DMD: variants seen among roughly 807,000 people sequenced by gnomAD.
The protein encoded by DMD is dystrophin.
Under a neutral mutation model 330.1 loss-of-function variants are expected in DMD, and 63 were observed. The ratio of observed to expected loss-of-function variants is 0.19; its 90% CI spans 0.16 to 0.24. DMD has a LOEUF of 0.24. Ranked by LOEUF, DMD falls within the 10% of genes least tolerant of loss-of-function variation. The pLI is 1.00. For missense variants in DMD, 3,344 were observed against 2,684.1 expected, an observed-to-expected ratio of 1.25 and a Z score of -5.43; for synonymous variants, 1,223 against 959.8, an observed-to-expected ratio of 1.27 and a Z score of -5.07.
At chrX:32,524,226 G>A (rs1005535585) in intron 17 of DMD, among the ~76,000 whole-genome samples, 3 of 111,738 alleles carry the variant, frequency 2.7e-5, no homozygotes, top group Non-Finnish European at 5.6e-5. Context: ...GAGCCACCGC[G>A]CCCGGCCCCA....
At chrX:32,732,902 AC>A (rs2067903839) in intron 7 of DMD, among the ~76,000 whole-genome samples, 1 of 111,088 alleles carries the variant, frequency 9.0e-6, no homozygotes, top group Non-Finnish European at 1.9e-5. Flanking sequence ...GATCAAATTC[AC>A]ACATAACAAT....
chrX:31,204,391 C>T lies in DMD; in HGVS notation c.9650-273G>A, dbSNP rs17329840. On this transcript the variant is annotated intron_variant, in intron 66 of 78. Coordinates refer to ENST00000357033, the MANE Select transcript of DMD (RefSeq NM_004006.3). ...ACACGTACCCTCGACACTTAAATTT[C>T]TTCTAAGCCAGAACATAATCCTTGG... is the stretch of plus-strand genomic sequence containing the variant. Among the ~76,000 whole-genome samples, 2,336 of 112,744 alleles carry T rather than the reference C, an allele frequency of 0.021. 22 individuals are homozygous for T. Among genetic ancestry groups the T allele is most frequent in the Middle Eastern group, 0.037 (8 of 216 alleles).
intron 44 of DMD, among the ~76,000 whole-genome samples, chrX:32,207,510 T>A (rs2097075317): frequency 8.9e-6 from 1 of 112,139 alleles, no homozygotes; most frequent in Non-Finnish European, 1.9e-5. Context: ...TACCTACTTA[T>A]CTTTTCTGAA....
intron 60 of DMD, among the ~76,000 whole-genome samples, chrX:31,433,946 C>T (rs2064277403): frequency 8.9e-6 from 1 of 111,928 alleles, no homozygotes; most frequent in Non-Finnish European, 1.9e-5. Flanking sequence ...ATGCATTCAT[C>T]TATTCAAGAC....
At chrX:33,133,532 G>T (rs142074105) in intron 1 of DMD, among the ~76,000 whole-genome samples, 138 of 111,151 alleles carry the variant, frequency 1.2e-3, no homozygotes, top group Non-Finnish European at 2.1e-3. Context: ...GTGCAAGCAG[G>T]GAGGCATTAT....
intron 11 of DMD, among the ~76,000 whole-genome samples, chrX:32,622,907 A>C (rs776448870): frequency 8.9e-6 from 1 of 111,878 alleles, no homozygotes; most frequent in East Asian, 2.8e-4. Context: ...TGGGTCATGG[A>C]TCACACTTTG....
intron 7 of DMD, among the ~76,000 whole-genome samples, chrX:32,720,556 G>C (rs2066188816): frequency 9.0e-6 from 1 of 111,266 alleles, no homozygotes; most frequent in Non-Finnish European, 1.9e-5. Flanking sequence ...TGGTCCATGG[G>C]TGTTGAATAA....
At chrX:31,351,413 T>C (rs1163458213) in intron 60 of DMD, among the ~76,000 whole-genome samples, 1 of 110,985 alleles carries the variant, frequency 9.0e-6, no homozygotes, top group African/African-American at 3.3e-5. Flanking sequence ...CTGTTCTTGC[T>C]ACTATTATGG....
intron 17 of DMD, among the ~76,000 whole-genome samples, chrX:32,526,004 C>T (rs2046900808): frequency 9.0e-6 from 1 of 111,638 alleles, no homozygotes; most frequent in Admixed American, 9.5e-5. Flanking sequence ...AAAACCATTG[C>T]TAATGAACTT....
chrX:33,044,386 C>T (rs2182290), intron 1 of DMD, among the ~76,000 whole-genome samples: 35,936 of 110,414 alleles, frequency 0.33, 5,245 homozygotes, highest in Non-Finnish European at 0.45. Context: ...GAGCTGAGAT[C>T]GCACCACTGT....
chrX:32,018,211 T>C (rs1455557724), intron 44 of DMD, among the ~76,000 whole-genome samples: 1 of 111,832 alleles, frequency 8.9e-6, no homozygotes, highest in East Asian at 2.8e-4. Context: ...GTCTTGAGAA[T>C]GTCATTTTCT....
chrX:31,586,027 A>G (rs908103520), intron 55 of DMD, among the ~76,000 whole-genome samples: 1 of 111,459 alleles, frequency 9.0e-6, no homozygotes, highest in African/African-American at 3.3e-5. Flanking sequence ...GTGAATTCTC[A>G]GGTCCTACCC....
At chrX:32,079,429 T>A (rs1288714269) in intron 44 of DMD, among the ~76,000 whole-genome samples, 7 of 110,221 alleles carry the variant, frequency 6.4e-5, no homozygotes, top group Non-Finnish European at 1.3e-4. Flanking sequence ...ACCCCATCTC[T>A]ACTAAAAATA....
chrX:32,325,402 TACATA>T (rs1372046882), intron 41 of DMD, among the ~76,000 whole-genome samples: 1 of 111,782 alleles, frequency 8.9e-6, no homozygotes, highest in African/African-American at 3.2e-5. Flanking sequence ...ATTGAGTCTT[TACATA>T]ACATATTTAT....
At chrX:32,697,474 C>T (rs893015049) in intron 9 of DMD, among the ~76,000 whole-genome samples, 11 of 111,709 alleles carry the variant, frequency 9.8e-5, no homozygotes, top group African/African-American at 2.9e-4. Flanking sequence ...ATTTCCTTTA[C>T]GTAGATCCAG....
intron 47 of DMD, among the ~76,000 whole-genome samples, chrX:31,918,264 A>G (rs1287764186): frequency 8.9e-6 from 1 of 112,253 alleles, no homozygotes; most frequent in African/African-American, 3.2e-5. Flanking sequence ...AACATGCTTC[A>G]TAATGCATCA....
intron 45 of DMD, among the ~76,000 whole-genome samples, chrX:31,964,852 CTTAAA>C (rs1295201418): frequency 9.0e-6 from 1 of 111,099 alleles, no homozygotes; most frequent in Non-Finnish European, 1.9e-5. Context: ...TAAGGTAACA[CTTAAA>C]TTAAAACCAC....
chrX:32,746,544 C>A (rs1013876309), intron 7 of DMD, among the ~76,000 whole-genome samples: 1 of 111,245 alleles, frequency 9.0e-6, no homozygotes, highest in African/African-American at 3.3e-5. Context: ...GGAGTGAGAC[C>A]CAGAAATCTG....
chrX:32,628,064 G>C (rs2058470484), intron 11 of DMD, among the ~76,000 whole-genome samples: 1 of 107,937 alleles, frequency 9.3e-6, no homozygotes, highest in Admixed American at 1.0e-4. Context: ...TATACTTTTT[G>C]TTATTTTAAA....
Sources: allele counts gnomAD v4.1 joint callset (sites outside exome capture counted in the v4.1 genomes callset), GRCh38; gene constraint gnomAD v4.1.1; transcripts MANE v1.5; gene names NCBI Gene and HGNC (gene_info 2026-07-23, HGNC 2026-07-21).